PCDHA3: variants seen among roughly 807,000 people sequenced by gnomAD.
The protein encoded by PCDHA3 is protocadherin alpha 3, also known as protocadherin alpha-3.
A neutral mutation model predicts 62.2 loss-of-function variants in PCDHA3; 41 were observed. The ratio of observed to expected loss-of-function variants is 0.66; its 90% CI spans 0.51 to 0.86. The LOEUF is 0.86. Ranked by LOEUF, PCDHA3 falls within the 40% of genes least tolerant of loss-of-function variation. PCDHA3 has a pLI of 0.00. For synonymous variants in PCDHA3, 640 were observed against 555.4 expected (o/e 1.15, Z -2.14); for missense variants, 1,304 against 1,241.2 (o/e 1.05, Z -0.76).
At chr5:140,874,397 T>A (rs1447759550) in intron 1 of PCDHA3, among the ~76,000 whole-genome samples, 3 of 152,230 alleles carry the variant, frequency 2.0e-5, no homozygotes, top group African/African-American at 7.2e-5. Flanking sequence ...CCCCCTTGCA[T>A]AACAGTCACC....
intron 1 of PCDHA3, among the ~76,000 whole-genome samples, chr5:140,879,173 G>A (rs1010561937): frequency 6.6e-6 from 1 of 152,278 alleles, no homozygotes; most frequent in Non-Finnish European, 1.5e-5. Context: ...AATAAATTAG[G>A]TATCAAGTAA....
At chr5:141,009,019 C>A (rs1160022658) in intron 3 of PCDHA3, among the ~76,000 whole-genome samples, 1 of 152,232 alleles carries the variant, frequency 6.6e-6, no homozygotes, top group Non-Finnish European at 1.5e-5. Context: ...CCTTTAGGCT[C>A]TGTATTTCCC....
chr5:140,998,059 C>T (rs1471709750), intron 3 of PCDHA3, among the ~76,000 whole-genome samples: 1 of 152,154 alleles, frequency 6.6e-6, no homozygotes, highest in East Asian at 1.9e-4. Context: ...ACATCATCAT[C>T]AACAGACTTA....
intron 1 of PCDHA3, chr5:140,827,874 A>G: frequency 1.6e-6 from 1 of 638,432 alleles, no homozygotes; most frequent in Non-Finnish European, 2.7e-6. Flanking sequence ...TAGCACTGTT[A>G]CGTGAATTGA....
chr5:140,881,335 C>T (rs2153378731), intron 1 of PCDHA3: 2 of 984,916 alleles, frequency 2.0e-6, no homozygotes, highest in South Asian at 4.7e-5. Context: ...ACCAGGACGC[C>T]GATTCGGGCT....
intron 1 of PCDHA3, among the ~76,000 whole-genome samples, chr5:140,920,617 G>A (rs569983611): frequency 9.7e-4 from 148 of 152,170 alleles, no homozygotes; most frequent in African/African-American, 2.6e-3. Context: ...AGGCCGAGGC[G>A]GATGGATCAC....
In PCDHA3 at chr5:140,882,044, C is replaced by T. The variant is rs539916085; in HGVS notation, c.2394+78453C>T. The T allele has an allele frequency of 5.7e-6, 4 of 702,876 alleles. No individual in the cohort carries two copies. In the East Asian group the frequency reaches 1.1e-4, roughly 20 times the overall value. The allele number at this position is 702,876 out of a possible 1,614,324, so 43.5% of individuals were successfully genotyped here. Reference sequence around the variant, plus strand: ...TCAATGGAAAATATGAAGACTGAGTCATACTTACACTTACACGTTCATGCG... The same window carrying T: ...TCAATGGAAAATATGAAGACTGAGTTATACTTACACTTACACGTTCATGCG... On this transcript the variant is annotated intron_variant, in intron 1 of 3. Transcript: ENST00000522353.
At chr5:140,849,899 C>A in intron 1 of PCDHA3, 1 of 1,598,504 alleles carries the variant, frequency 6.3e-7, no homozygotes, top group South Asian at 1.1e-5. Flanking sequence ...AGGAGAACAA[C>A]CCGCCGGGCT....
intron 1 of PCDHA3, chr5:140,850,585 A>G (rs1253890726): frequency 6.3e-7 from 1 of 1,598,426 alleles, no homozygotes. Flanking sequence ...GTGGATGTCA[A>G]CGTGTACCTG....
rs2150123741 is a variant in PCDHA3 at position 140,823,226 on chromosome 5, A to G, written c.2394+19635A>G. On this transcript the variant is annotated intron_variant, in intron 1 of 3. Coordinates refer to ENST00000522353, the MANE Select transcript of PCDHA3 (RefSeq NM_018906.3). ...GTGTCTGCACGGGACGCGGACGCGC[A>G]GGAGAACGCCCTGGTGTCCTACTCG... is the stretch of plus-strand genomic sequence containing the variant. 3.1e-6 allele frequency: 5 copies of G among 1,613,692 alleles called. No homozygotes were observed. The South Asian group carries it at 5.5e-5, about 18-fold the overall frequency.
chr5:140,927,825 GGCGAGGGA>G (rs782044178), intron 1 of PCDHA3: 1 of 1,614,098 alleles, frequency 6.2e-7, no homozygotes, highest in Non-Finnish European at 8.5e-7. Context: ...CATACATTGA[GGCGAGGGA>G]CGAAGGTGTC....
At chr5:140,976,515 C>T (rs1285704969) in intron 1 of PCDHA3, among the ~76,000 whole-genome samples, 1 of 152,016 alleles carries the variant, frequency 6.6e-6, no homozygotes, top group Non-Finnish European at 1.5e-5. Flanking sequence ...CGCGCCACTG[C>T]ACACCAGCCT....
intron 1 of PCDHA3, among the ~76,000 whole-genome samples, chr5:140,941,551 G>A (rs1247023682): frequency 4.0e-5 from 6 of 151,616 alleles, no homozygotes; most frequent in Non-Finnish European, 8.8e-5. Flanking sequence ...TCCTGACCTC[G>A]TGATCCATTC....
At chr5:140,860,642 GAAGAT>G (rs144102428) in intron 1 of PCDHA3, 5 of 152,352 alleles carry the variant, frequency 3.3e-5, no homozygotes, top group African/African-American at 1.2e-4. Context: ...CAGGAACGAA[GAAGAT>G]AAGTGAAATA....
intron 1 of PCDHA3, among the ~76,000 whole-genome samples, chr5:140,942,387 G>A (rs1398449068): frequency 1.3e-5 from 2 of 151,808 alleles, no homozygotes; most frequent in Admixed American, 1.3e-4. Context: ...ATTCCAGCCT[G>A]GGCGACAGAT....
intron 1 of PCDHA3, chr5:140,842,872 G>A (rs1554139490): frequency 4.4e-6 from 7 of 1,594,088 alleles, no homozygotes; most frequent in Middle Eastern, 2.1e-4. Context: ...GCGGCAAGGT[G>A]TACGCGCTGC....
At chr5:140,853,031 A>G (rs2150527488) in intron 1 of PCDHA3, 7 of 259,886 alleles carry the variant, frequency 2.7e-5, no homozygotes, top group Non-Finnish European at 4.4e-5. Flanking sequence ...GGCGCCTGCC[A>G]CCATGCCCGC....
chr5:140,973,493 C>T (rs1050229284), intron 1 of PCDHA3, among the ~76,000 whole-genome samples: 1 of 152,116 alleles, frequency 6.6e-6, no homozygotes, highest in African/African-American at 2.4e-5. Context: ...TCACAGGACT[C>T]TTCTTCTGAG....
intron 1 of PCDHA3, chr5:140,849,066 C>A (rs2040764051): frequency 6.5e-7 from 1 of 1,540,002 alleles, no homozygotes; most frequent in Non-Finnish European, 8.8e-7. Flanking sequence ...GCAGGTAAAA[C>A]CTCTTGGACT....
Sources: gnomAD v4.1 joint callset for allele counts (sites outside exome capture counted in the v4.1 genomes callset) on GRCh38, gnomAD v4.1.1 for gene constraint, MANE v1.5 for transcripts, NCBI Gene and HGNC (gene_info 2026-07-23, HGNC 2026-07-21) for gene names.